The following RYR3 variants were observed in gnomAD, a reference collection of about 807,000 sequenced individuals.
RYR3 encodes the protein ryanodine receptor 3.
RYR3 carries 207 observed loss-of-function variants against 584.3 expected under a neutral mutation model. The observed-to-expected ratio is 0.35, with a 90% CI of 0.32 to 0.40. The LOEUF (loss-of-function observed/expected upper bound fraction) is 0.40. RYR3 is among the 10% of genes least tolerant of loss of function. The pLI is 1.00. For missense variants in RYR3, 5,616 were observed against 6,089.2 expected, an observed-to-expected ratio of 0.92 and a Z score of 2.59; for synonymous variants, 2,416 against 2,248.5, an observed-to-expected ratio of 1.07 and a Z score of -2.11.
intron 42 of RYR3, among the ~76,000 whole-genome samples, chr15:33,701,932 G>A (rs2066333489): frequency 6.6e-6 from 1 of 152,176 alleles, no homozygotes; most frequent in African/African-American, 2.4e-5. Flanking sequence ...GATGTGGTGA[G>A]AATGCAGCAG....
intron 34 of RYR3, among the ~76,000 whole-genome samples, chr15:33,660,782 C>A (rs936700337): frequency 6.6e-6 from 1 of 152,114 alleles, no homozygotes; most frequent in Non-Finnish European, 1.5e-5. Flanking sequence ...CCTGGTCTCC[C>A]CTTGCTAAGA....
chr15:33,832,150 C>A (rs2077717009), intron 86 of RYR3, among the ~76,000 whole-genome samples: 1 of 151,814 alleles, frequency 6.6e-6, no homozygotes, highest in South Asian at 2.1e-4. Context: ...AAAAATTAGC[C>A]AGGCATGGTG....
At chr15:33,817,011 C>T (rs775415361) in intron 75 of RYR3, 53 bp downstream of exon 75, 31 of 1,086,502 alleles carry the variant, frequency 2.9e-5, no homozygotes, top group South Asian at 4.1e-5. Context: ...ATTTGATTTT[C>T]GAATTCATGT....
At chr15:33,393,884 C>T (rs1405180336) in intron 1 of RYR3, among the ~76,000 whole-genome samples, 1 of 152,136 alleles carries the variant, frequency 6.6e-6, no homozygotes, top group Non-Finnish European at 1.5e-5. Context: ...AGATACAATG[C>T]GAGGCATTCT....
At chr15:33,795,788 C>T in intron 67 of RYR3, among the ~76,000 whole-genome samples, 1 of 152,180 alleles carries the variant, frequency 6.6e-6, no homozygotes. Context: ...GCCTCTGCCT[C>T]CCAAAGTGCT....
chr15:33,791,685 A>G (rs2075167657), intron 67 of RYR3, among the ~76,000 whole-genome samples: 2 of 152,210 alleles, frequency 1.3e-5, no homozygotes, highest in East Asian at 1.9e-4. Context: ...CAGCTGTCAG[A>G]TATCAACCAA....
In RYR3 at chr15:33,838,085, G is replaced by A. The variant is rs760123309; in HGVS notation, c.12105G>A (p.Met4035Ile). Residue 4035 changes from methionine to isoleucine, a missense_variant, in exon 89 of 104, where the codon ATG (methionine) becomes ATA (isoleucine). Met to Ile is a conservative substitution (Grantham distance 10). Around this residue, in one of 9 missense-constraint regions of RYR3, gnomAD observed 258 missense variants for 297.3 expected, o/e 0.87. Coordinates refer to ENST00000634891, the MANE Select transcript of RYR3 (RefSeq NM_001036.6). ...FEPYLGRIEI[M>I]GGAKKIERVY... ...CCTACCTAGGACGCATCGAGATCAT[G>A]GGTGGGGCCAAGAAGATTGAGCGTG... The A allele has an allele frequency of 3.1e-6, 5 of 1,614,012 alleles. No individual in the cohort carries two copies. Among genetic ancestry groups the A allele is most frequent in the Non-Finnish European group, 4.2e-6 (5 of 1,179,904 alleles).
chr15:33,505,186 A>G (rs188247042), intron 3 of RYR3, among the ~76,000 whole-genome samples: 42 of 152,320 alleles, frequency 2.8e-4, no homozygotes, highest in African/African-American at 9.9e-4. Flanking sequence ...CGATGTTTAC[A>G]TTTCGGCCAT....
At chr15:33,840,758 G>T in intron 89 of RYR3, 67 bp from the exon 90 acceptor site, 1 of 1,492,638 alleles carries the variant, frequency 6.7e-7, no homozygotes, top group Non-Finnish European at 9.3e-7. Context: ...AAATGGCCAA[G>T]AAAATGTCTC....
intron 3 of RYR3, among the ~76,000 whole-genome samples, chr15:33,513,606 C>A (rs1418640076): frequency 1.3e-5 from 2 of 152,176 alleles, no homozygotes; most frequent in Non-Finnish European, 2.9e-5. Context: ...CTAGAGTTTC[C>A]TGCTGTGGGT....
At chr15:33,458,347 C>T (rs1021053283) in intron 1 of RYR3, among the ~76,000 whole-genome samples, 7 of 152,088 alleles carry the variant, frequency 4.6e-5, no homozygotes, top group Admixed American at 2.6e-4. Context: ...TGAGCTGGGA[C>T]GTCTATTTTT....
intron 1 of RYR3, among the ~76,000 whole-genome samples, chr15:33,435,027 A>G (rs968247741): frequency 3.3e-5 from 5 of 151,970 alleles, no homozygotes; most frequent in Non-Finnish European, 7.4e-5. Flanking sequence ...TCACTGTGTT[A>G]GCCAGGATGG....
At chr15:33,631,768 C>A (rs1254343045) in intron 23 of RYR3, among the ~76,000 whole-genome samples, 1 of 152,214 alleles carries the variant, frequency 6.6e-6, no homozygotes, top group African/African-American at 2.4e-5. Context: ...CATTTCTTGT[C>A]CTTGCACATT....
intron 43 of RYR3, among the ~76,000 whole-genome samples, chr15:33,714,623 T>G (rs1401571401): frequency 6.6e-6 from 1 of 152,206 alleles, no homozygotes; most frequent in African/African-American, 2.4e-5. Flanking sequence ...AGGGAAAAGT[T>G]ATTCTGTGTT....
At chr15:33,802,985 G>A (rs1296177146) in intron 69 of RYR3, among the ~76,000 whole-genome samples, 1 of 152,170 alleles carries the variant, frequency 6.6e-6, no homozygotes, top group East Asian at 1.9e-4. Flanking sequence ...TTGGGATGGA[G>A]GTCTCATATA....
chr15:33,863,124 G>T (rs1228661022), intron 102 of RYR3, among the ~76,000 whole-genome samples: 4 of 152,068 alleles, frequency 2.6e-5, no homozygotes, highest in African/African-American at 4.8e-5. Context: ...TGTTACACTG[G>T]TCTCTTTCCT....
At chr15:33,608,422 TGAG>T (rs1567652852) in intron 18 of RYR3, among the ~76,000 whole-genome samples, 2 of 152,218 alleles carry the variant, frequency 1.3e-5, no homozygotes, top group African/African-American at 4.8e-5. Context: ...TCTCTGCATG[TGAG>T]GAGATTTATA....
intron 92 of RYR3, among the ~76,000 whole-genome samples, chr15:33,843,830 G>A (rs1355819594): frequency 1.3e-5 from 2 of 152,196 alleles, no homozygotes; most frequent in African/African-American, 4.8e-5. Context: ...AATACTTGCT[G>A]AGCATCTACC....
intron 43 of RYR3, 42 bp downstream of exon 43, chr15:33,707,096 C>T (rs1253512266): frequency 6.2e-7 from 1 of 1,606,842 alleles, no homozygotes; most frequent in Non-Finnish European, 8.5e-7. Flanking sequence ...CCCAGAATAG[C>T]ATGATCGTGG....
Sources: allele counts gnomAD v4.1 joint callset (sites outside exome capture counted in the v4.1 genomes callset), GRCh38; gene constraint gnomAD v4.1.1; regional missense constraint gnomAD v4.1.1; transcripts MANE v1.5; gene names NCBI Gene and HGNC (gene_info 2026-07-23, HGNC 2026-07-21).